Variants in ZFP69B observed in about 807,000 individuals in gnomAD.
ZFP69B encodes ZFP69 zinc finger protein B.
In ZFP69B, 20 loss-of-function variants were observed where a neutral mutation model predicts 19.7. That is an observed-to-expected ratio of 1.02 (90% CI 0.71 to 1.48). The LOEUF is 1.48. Among genes scored for constraint, ZFP69B ranks in the 40% most tolerant of loss-of-function variants. The pLI is 0.00. For missense variants in ZFP69B, 583 were observed against 632.6 expected, an observed-to-expected ratio of 0.92 and a Z score of 0.84; for synonymous variants, 220 against 222.7, an observed-to-expected ratio of 0.99 and a Z score of 0.11.
intron 2 of ZFP69B, among the ~76,000 whole-genome samples, chr1:40,455,861 G>C (rs1351045366): frequency 6.6e-6 from 1 of 152,074 alleles, no homozygotes; most frequent in Non-Finnish European, 1.5e-5. Flanking sequence ...CCGGTGTTTT[G>C]TTTTCTGTTC....
Position 40,462,447 on chromosome 1 carries a change from GAGTC to G in ZFP69B, c.466_469del (p.Ser156ProfsTer15). On this transcript the variant is annotated frameshift_variant, in exon 5 of 5. Transcript: ENST00000361584. LOFTEE classifies it low-confidence loss of function (END_TRUNC). ...CTTGAAGAGCAAAACAAAAACCAAA[GAGTC>G]AGCCTTACAGAATGATATTTCGTGG... The G allele has an allele frequency of 1.9e-6, 3 of 1,596,898 alleles. No homozygotes were observed. Among genetic ancestry groups the G allele is most frequent in the East Asian group, 2.2e-5 (1 of 44,748 alleles).
In ZFP69B at chr1:40,463,398, G is replaced by T. The variant is rs1037723923; in HGVS notation, c.1414G>T (p.Val472Leu). The T allele has an allele frequency of 6.2e-7, 1 of 1,613,954 alleles. No individual in the cohort carries two copies. The highest frequency in any genetic ancestry group is 1.1e-5 in the South Asian group (1 of 91,088). ...TATCCATCAGAGAGTCCATACTGGA[G>T]TAAAACCTTATGAATGCAGTCATTG... ...LSIHQRVHTGVKPYECSHCGK... is the reference protein window; with the variant it reads ...LSIHQRVHTGLKPYECSHCGK... The change falls in exon 5 of 5, where the codon GTA (valine) becomes TTA (leucine). Residue 472 changes from valine (V) to leucine (L), a missense_variant. Coordinates refer to ENST00000361584, the MANE Select transcript of ZFP69B (RefSeq NM_023070.3).
At chr1:40,452,506 G>A (rs1645195376) in intron 1 of ZFP69B, among the ~76,000 whole-genome samples, 1 of 152,192 alleles carries the variant, frequency 6.6e-6, no homozygotes, top group Non-Finnish European at 1.5e-5. Flanking sequence ...TCACATTGAG[G>A]ATACAGTCAG....
chr1:40,456,467 G>A (rs1024942940), intron 2 of ZFP69B, among the ~76,000 whole-genome samples: 4 of 152,110 alleles, frequency 2.6e-5, no homozygotes, highest in African/African-American at 7.2e-5. Context: ...TCATTACTAG[G>A]CAGAATTCAT....
At chr1:40,451,308 T>G (rs1338873548) in intron 1 of ZFP69B, among the ~76,000 whole-genome samples, 2 of 152,220 alleles carry the variant, frequency 1.3e-5, no homozygotes, top group Admixed American at 6.5e-5. Flanking sequence ...TTATTTATTT[T>G]CATCTTTCCC....
At chr1:40,462,234 C>T (rs1645292034) in intron 4 of ZFP69B, among the ~76,000 whole-genome samples, 187 bp from the exon 5 acceptor site, 1 of 152,124 alleles carries the variant, frequency 6.6e-6, no homozygotes, top group Admixed American at 6.6e-5. Flanking sequence ...TTACATACTT[C>T]TGACAGCTTC....
chr1:40,459,264 A>G (rs1315531457), intron 4 of ZFP69B, among the ~76,000 whole-genome samples: 1 of 152,048 alleles, frequency 6.6e-6, no homozygotes, highest in East Asian at 1.9e-4. Context: ...TTCCCTGCCC[A>G]TATTCTCCAT....
intron 3 of ZFP69B, 48 bp downstream of exon 3, chr1:40,457,119 A>T (rs1645240755): frequency 6.3e-7 from 1 of 1,577,556 alleles, no homozygotes; most frequent in African/African-American, 1.4e-5. Flanking sequence ...TTGGATGAAA[A>T]CCTTTGTTTC....
chr1:40,461,155 A>G (rs916718650), intron 4 of ZFP69B, among the ~76,000 whole-genome samples: 3 of 151,736 alleles, frequency 2.0e-5, no homozygotes, highest in African/African-American at 4.8e-5. Context: ...CAAAAAAAAA[A>G]AAAAAAAAGA....
intron 4 of ZFP69B, among the ~76,000 whole-genome samples, chr1:40,458,147 C>T (rs1266577352): frequency 6.6e-6 from 1 of 152,200 alleles, no homozygotes; most frequent in Non-Finnish European, 1.5e-5. Context: ...GTATACAGGG[C>T]AGTTAGCTAC....
chr1:40,451,258 TC>T (rs1645183555), intron 1 of ZFP69B, among the ~76,000 whole-genome samples, 170 bp downstream of exon 1: 1 of 152,206 alleles, frequency 6.6e-6, no homozygotes, highest in Non-Finnish European at 1.5e-5. Flanking sequence ...GGTGGTCTTT[TC>T]AGCCTAGGAC....
At chr1:40,462,321 CT>C (rs1365725973) in intron 4 of ZFP69B, 99 bp from the exon 5 acceptor site, 5 of 1,109,250 alleles carry the variant, frequency 4.5e-6, no homozygotes, top group Non-Finnish European at 5.1e-6. Context: ...TCCAGAACTC[CT>C]GTACCTAGTA....
rs141922355 is a variant in ZFP69B, at chr1:40,456,837, T to G, written c.214-108T>G. ...TAATCATTAGAATAAATTAAATGAT[T>G]AGCAAGACAGTATCCAGGAAAACTT... On this transcript the variant is annotated intron_variant, in intron 2 of 4. Transcript: ENST00000361584. The G allele has an allele frequency of 1.1e-4, 157 of 1,401,428 alleles. 2 individuals carry two copies. The African/African-American group carries it at 1.8e-3, about 16-fold the overall frequency. 86.8% of individuals were successfully genotyped at this position (1,401,428 alleles called of 1,614,324 possible).
Position 40,463,492 on chromosome 1 carries a change from A to G in ZFP69B, c.1508A>G (p.Tyr503Cys). ...AGAATTCATACTGGAGAAAAACCTT[A>G]TGATTGTAATGAGTGTGGAAAAGCC... is the stretch of plus-strand genomic sequence containing the variant. ...HQRIHTGEKPYDCNECGKAFS... is the reference protein window; with the variant it reads ...HQRIHTGEKPCDCNECGKAFS... The change falls in exon 5 of 5, where the codon TAT becomes TGT. Residue 503 changes from tyrosine (Y) to cysteine (C), a missense_variant. Physicochemically the swap from Tyr to Cys is radical, Grantham distance 194. Transcript: ENST00000361584. 1.2e-6 allele frequency: 2 copies of G among 1,614,160 alleles called. No homozygotes were observed. The highest frequency in any genetic ancestry group is 1.1e-5 in the South Asian group (1 of 91,080).
intron 4 of ZFP69B, among the ~76,000 whole-genome samples, chr1:40,458,136 T>C (rs1194204175): frequency 6.6e-6 from 1 of 152,188 alleles, no homozygotes; most frequent in East Asian, 1.9e-4. Context: ...GATTAAGAAA[T>C]GTATACAGGG....
Position 40,451,082 on chromosome 1 carries a change from G to T in ZFP69B, c.121G>T (p.Ala41Ser), listed in dbSNP as rs779951071. 97 of 1,540,286 alleles carry T rather than the reference G, an allele frequency of 6.3e-5. No individual in the cohort carries two copies. In the South Asian group the frequency reaches 1.1e-3, roughly 18 times the overall value. The change falls in exon 1 of 5, where the codon GCA becomes TCA. Residue 41 changes from alanine to serine, a missense_variant. Ala to Ser is a moderately conservative substitution (Grantham distance 99). Coordinates refer to ENST00000361584, the MANE Select transcript of ZFP69B (RefSeq NM_023070.3). ...GGAGGATGTGACTAAGATGTTTAAA[G>T]CAGAAGGTAAGAATAAACTGATGGG... is the stretch of plus-strand genomic sequence containing the variant. ...LWEDVTKMFK[A>S]EALLSQDADE...
chr1:40,450,695 C>T lies in ZFP69B; in HGVS notation c.-267C>T, dbSNP rs573655581. On this transcript the variant is annotated 5_prime_UTR_variant, in exon 1 of 5. The change creates a premature stop within an existing upstream ORF in the 5' untranslated region. Transcript: ENST00000361584. The stretch of plus-strand genomic sequence containing the variant: ...GCTGAGAGTAAATACTTGGCGCCTC[C>T]AGCTGCTGGCCAAGGAGACAGATGG... The T allele has an allele frequency of 1.2e-4, 31 of 261,100 alleles. No individual in the cohort carries two copies. The highest frequency in any genetic ancestry group is 6.0e-4 in the South Asian group (7 of 11,572). The allele number at this position is 261,100 out of a possible 1,614,324, so 16.2% of individuals were successfully genotyped here.
At chr1:40,460,451 A>G (rs1402927250) in intron 4 of ZFP69B, among the ~76,000 whole-genome samples, 1 of 152,118 alleles carries the variant, frequency 6.6e-6, no homozygotes, top group Non-Finnish European at 1.5e-5. Context: ...AGAGCAACAT[A>G]GCATGATCCC....
At chr1:40,459,277 T>G (rs1000354739) in intron 4 of ZFP69B, among the ~76,000 whole-genome samples, 2 of 152,182 alleles carry the variant, frequency 1.3e-5, no homozygotes, top group Non-Finnish European at 2.9e-5. Flanking sequence ...TTCTCCATAT[T>G]TTCATCTTTG....
Sources: allele counts gnomAD v4.1 joint callset (sites outside exome capture counted in the v4.1 genomes callset), GRCh38; gene constraint gnomAD v4.1.1; transcripts MANE v1.5; gene names NCBI Gene and HGNC (gene_info 2026-07-23, HGNC 2026-07-21).